The following ERI1 variants were observed in gnomAD, a reference collection of about 807,000 sequenced individuals.
ERI1 encodes exoribonuclease 1.
In ERI1, 39 loss-of-function variants were observed where a neutral mutation model predicts 39.7. The ratio of observed to expected loss-of-function variants is 0.98; its 90% CI spans 0.76 to 1.28. The LOEUF is 1.28. Ranked by LOEUF, ERI1 falls within the 50% of genes most tolerant of loss-of-function variation. The pLI, the probability that ERI1 is intolerant of heterozygous loss-of-function variation, is 0.00. For synonymous variants in ERI1, 204 were observed against 149.6 expected (o/e 1.36, Z -2.65); for missense variants, 581 against 416.9 (o/e 1.39, Z -3.43).
At position 9,075,753 on chromosome 8, in the gene ERI1, C is replaced by A. The variant is rs139846977; in HGVS notation, n.300-40595C>A. On this transcript the variant is annotated intron_variant and non_coding_transcript_variant, in intron 3 of 3. Transcript: ENST00000518663. ...AATGTAATGATCACCCAGAGGTTAA[C>A]TATTAGGTTTACTATTACAGTGAAA... 2.8e-3 allele frequency among the ~76,000 whole-genome samples: 421 copies of A among 152,178 alleles called. 2 individuals carry two copies. The highest frequency in any genetic ancestry group is 9.9e-3 in the African/African-American group (409 of 41,500).
chr8:9,061,171 G>T (rs1798683129), intron 3 of ERI1, among the ~76,000 whole-genome samples: 1 of 152,194 alleles, frequency 6.6e-6, no homozygotes, highest in Admixed American at 6.5e-5. Context: ...TGGCGATTAG[G>T]CCTGCTGGAA....
chr8:9,087,207 C>T (rs1378550455), intron 3 of ERI1, among the ~76,000 whole-genome samples: 4 of 151,742 alleles, frequency 2.6e-5, no homozygotes, highest in East Asian at 3.9e-4. Context: ...CCTTGCCCCC[C>T]ACCTTCATCT....
intron 3 of ERI1, among the ~76,000 whole-genome samples, chr8:9,086,553 G>T (rs1585297438): frequency 6.6e-6 from 1 of 152,042 alleles, no homozygotes; most frequent in East Asian, 1.9e-4. Flanking sequence ...CTCAAAACTA[G>T]GCAACCGACC....
At position 9,016,352 on chromosome 8, in the gene ERI1, G is replaced by C. The variant is rs1817286163; in HGVS notation, c.529G>C (p.Glu177Gln). 4 of 1,606,732 alleles carry C rather than the reference G, an allele frequency of 2.5e-6. No individual in the cohort carries two copies. Among genetic ancestry groups the C allele is most frequent in the African/African-American group, 2.7e-5 (2 of 74,520 alleles). The change falls in exon 4 of 7, where the codon GAG (glutamate) becomes CAG (glutamine). Residue 177 changes from glutamate (E) to glutamine (Q), a missense_variant. Physicochemically the swap from Glu to Gln is conservative, Grantham distance 29. Coordinates refer to ENST00000250263, the MANE Select transcript of ERI1 (RefSeq NM_153332.4). ...EDTFQQYVRP[E>Q]INTQLSDFCI... ...CACGTTTCAGCAGTATGTAAGACCA[G>C]AGATTAACACACAGCTGTCTGATTT...
chr8:9,081,698 TTGG>T (rs1452530745), intron 3 of ERI1, among the ~76,000 whole-genome samples: 13 of 123,774 alleles, frequency 1.1e-4, no homozygotes, highest in Admixed American at 3.9e-4. Flanking sequence ...TTGTTTTTTT[TTGG>T]TTTTTGTTTG....
intron 3 of ERI1, among the ~76,000 whole-genome samples, chr8:9,080,064 C>T (rs1243215478): frequency 6.7e-6 from 1 of 150,360 alleles, no homozygotes; most frequent in Non-Finnish European, 1.5e-5. Context: ...AGCTGGCTTA[C>T]AGGAATAACA....
intron 3 of ERI1, among the ~76,000 whole-genome samples, chr8:9,043,067 A>G (rs559279585): frequency 3.5e-4 from 53 of 152,188 alleles, no homozygotes; most frequent in Non-Finnish European, 6.0e-4. Flanking sequence ...TCTTACGTCT[A>G]AGGGCATCTC....
intron 3 of ERI1, among the ~76,000 whole-genome samples, chr8:9,061,029 C>A (rs1234402875): frequency 6.6e-6 from 1 of 152,160 alleles, no homozygotes; most frequent in Non-Finnish European, 1.5e-5. Context: ...GACGCGTAGT[C>A]CTTTTGCAAG....
chr8:9,087,826 C>G (rs1195951726), intron 3 of ERI1, among the ~76,000 whole-genome samples: 8 of 152,108 alleles, frequency 5.3e-5, no homozygotes, highest in African/African-American at 1.4e-4. Context: ...CAGGTAGGGA[C>G]AACACATTAA....
At chr8:9,049,820 G>C (rs1189667145) in intron 3 of ERI1, 1 of 152,188 alleles carries the variant, frequency 6.6e-6, no homozygotes, top group African/African-American at 2.4e-5. Flanking sequence ...GACATCAACG[G>C]AGAGATAACC....
At chr8:9,093,717 G>A (rs1468364788) in intron 3 of ERI1, among the ~76,000 whole-genome samples, 1 of 152,074 alleles carries the variant, frequency 6.6e-6, no homozygotes, top group Admixed American at 6.5e-5. Context: ...ACAGGCACAT[G>A]CCACCATGCC....
chr8:9,035,193 A>G (rs1001078767), downstream of ERI1, among the ~76,000 whole-genome samples: 1 of 152,210 alleles, frequency 6.6e-6, no homozygotes, highest in African/African-American at 2.4e-5. Context: ...GCTAAGATCT[A>G]GCTAAGTTAT....
intron 6 of ERI1, among the ~76,000 whole-genome samples, chr8:9,024,362 T>C (rs1042834925): frequency 6.6e-6 from 1 of 152,220 alleles, no homozygotes; most frequent in African/African-American, 2.4e-5. Flanking sequence ...AGTTAGCATT[T>C]ACAAAATTAT....
chr8:9,018,409 A>T lies in ERI1; in HGVS notation c.692+3A>T, dbSNP rs904985182. The T allele has an allele frequency of 1.4e-6, 2 of 1,466,472 alleles. No homozygotes were observed. Among genetic ancestry groups the T allele is most frequent in the Non-Finnish European group, 1.9e-6 (2 of 1,050,586 alleles). 90.8% of individuals were successfully genotyped at this position (1,466,472 alleles called of 1,614,324 possible). On this transcript the variant is annotated splice_donor_region_variant and intron_variant, in intron 5 of 6. Coordinates refer to ENST00000250263, the MANE Select transcript of ERI1 (RefSeq NM_153332.4). ...AAATACTCACTTTTAACAGATGGGTAAGTATTTAGGAAGATTATTTTTTTA... is the reference window on the plus strand; with the variant it reads ...AAATACTCACTTTTAACAGATGGGTTAGTATTTAGGAAGATTATTTTTTTA...
intron 2 of ERI1, among the ~76,000 whole-genome samples, chr8:9,009,644 A>G (rs958710557): frequency 6.6e-6 from 1 of 152,032 alleles, no homozygotes; most frequent in Non-Finnish European, 1.5e-5. Context: ...GATTCAAGCG[A>G]TTCTCGTGCC....
downstream of ERI1, among the ~76,000 whole-genome samples, chr8:9,037,890 T>TAA (rs139374560): frequency 0.33 from 37,547 of 115,446 alleles, 6,326 homozygotes; most frequent in Admixed American, 0.5. Context: ...CATTGCTGAT[T>TAA]TAAAAAAAAA....
At chr8:9,083,233 A>G (rs115742014) in intron 3 of ERI1, among the ~76,000 whole-genome samples, 156 of 152,276 alleles carry the variant, frequency 1.0e-3, no homozygotes, top group African/African-American at 3.4e-3. Flanking sequence ...ATCTTGATCT[A>G]CTTTCAGTGA....
intron 3 of ERI1, among the ~76,000 whole-genome samples, chr8:9,087,309 G>A (rs376501391): frequency 2.4e-4 from 37 of 151,476 alleles, no homozygotes; most frequent in African/African-American, 8.7e-4. Context: ...GTAGTGGAGC[G>A]ATCTTGGCTC....
In ERI1 at chr8:9,030,122, CT is replaced by C; in HGVS notation, c.*91del. ...CATTGAATTAGTCCTGTAGTGCAAA[CT>C]TTAAGCACCTTAAAACATTTAAAAT... On this transcript the variant is annotated 3_prime_UTR_variant, in exon 7 of 7. Coordinates refer to ENST00000250263, the MANE Select transcript of ERI1 (RefSeq NM_153332.4). 6.7e-7 allele frequency: 1 copy of C among 1,500,328 alleles called. No homozygotes were observed. Among genetic ancestry groups the C allele is most frequent in the Non-Finnish European group, 9.1e-7 (1 of 1,098,378 alleles). 92.9% of individuals were successfully genotyped at this position (1,500,328 alleles called of 1,614,324 possible).
Sources: allele counts gnomAD v4.1 joint callset (sites outside exome capture counted in the v4.1 genomes callset), GRCh38; gene constraint gnomAD v4.1.1; transcripts MANE v1.5; gene names NCBI Gene and HGNC (gene_info 2026-07-23, HGNC 2026-07-21).